Variants in REEP1 observed in about 807,000 individuals in gnomAD.
The protein encoded by REEP1 is receptor accessory protein 1, also known as receptor expression-enhancing protein 1.
A neutral mutation model predicts 40.3 loss-of-function variants in REEP1; 22 were observed. The observed-to-expected ratio is 0.55, with a 90% CI of 0.39 to 0.78. The LOEUF is 0.78. REEP1 is among the 30% of genes least tolerant of loss of function. The pLI is 0.00. For missense variants in REEP1, 280 were observed against 361.1 expected, an observed-to-expected ratio of 0.78 and a Z score of 1.82; for synonymous variants, 116 against 139.2, an observed-to-expected ratio of 0.83 and a Z score of 1.17.
intron 1 of REEP1, among the ~76,000 whole-genome samples, chr2:86,334,599 A>C (rs1054926174): frequency 6.6e-6 from 1 of 152,202 alleles, no homozygotes; most frequent in African/African-American, 2.4e-5. Flanking sequence ...GGACTAGATC[A>C]GTTGTTTTTA....
At chr2:86,307,751 G>GA (rs1476156240) in intron 1 of REEP1, among the ~76,000 whole-genome samples, 2 of 150,968 alleles carry the variant, frequency 1.3e-5, no homozygotes, top group Non-Finnish European at 3.0e-5. Context: ...GACAAGAAAA[G>GA]AAAAAAATGC....
chr2:86,247,759 C>T (rs187155171), intron 5 of REEP1, among the ~76,000 whole-genome samples: 5 of 151,992 alleles, frequency 3.3e-5, no homozygotes, highest in South Asian at 2.1e-4. Flanking sequence ...TTAGGAGAGA[C>T]GGGGTTTCAT....
intron 1 of REEP1, among the ~76,000 whole-genome samples, chr2:86,289,734 A>G (rs1283966693): frequency 6.6e-6 from 1 of 152,134 alleles, no homozygotes; most frequent in African/African-American, 2.4e-5. Context: ...AAATTTCTCC[A>G]TAAAGATCTT....
chr2:86,306,669 T>A (rs1402600567), intron 1 of REEP1, among the ~76,000 whole-genome samples: 1 of 152,190 alleles, frequency 6.6e-6, no homozygotes, highest in East Asian at 1.9e-4. Context: ...ATCTACAAAT[T>A]GGTGTTTGGT....
chr2:86,234,124 C>T (rs886920102), intron 5 of REEP1, among the ~76,000 whole-genome samples: 7 of 151,584 alleles, frequency 4.6e-5, no homozygotes, highest in African/African-American at 9.7e-5. Flanking sequence ...CACAGCAATT[C>T]GCTGAAGTGA....
At chr2:86,256,347 C>CAAAA (rs35885517) in intron 3 of REEP1, among the ~76,000 whole-genome samples, 2 of 100,308 alleles carry the variant, frequency 2.0e-5, no homozygotes, top group Non-Finnish European at 4.0e-5. Flanking sequence ...GATTCCATCT[C>CAAAA]AAAAAAAAAA....
chr2:86,321,567 C>A (rs534984687), intron 1 of REEP1, among the ~76,000 whole-genome samples: 1 of 152,078 alleles, frequency 6.6e-6, no homozygotes, highest in Non-Finnish European at 1.5e-5. Context: ...ATTAGCAAAT[C>A]GCCTCCAGGA....
chr2:86,290,631 A>C (rs1678644391), intron 1 of REEP1, among the ~76,000 whole-genome samples: 1 of 152,162 alleles, frequency 6.6e-6, no homozygotes, highest in Non-Finnish European at 1.5e-5. Context: ...ACCATAATCC[A>C]TCTCCAAGAC....
chr2:86,231,952 C>T (rs1246264471), intron 6 of REEP1, among the ~76,000 whole-genome samples: 4 of 152,168 alleles, frequency 2.6e-5, no homozygotes, highest in Admixed American at 1.3e-4. Flanking sequence ...GCATGTTTAA[C>T]GAGGTCCCCA....
At chr2:86,318,323 C>T (rs547412415) in intron 1 of REEP1, among the ~76,000 whole-genome samples, 58 of 151,430 alleles carry the variant, frequency 3.8e-4, no homozygotes, top group Non-Finnish European at 7.2e-4. Context: ...AAAAGACTTA[C>T]AAAAATGTAC....
chr2:86,270,058 T>C (rs1019613355), intron 2 of REEP1, among the ~76,000 whole-genome samples: 4 of 152,220 alleles, frequency 2.6e-5, no homozygotes, highest in African/African-American at 7.2e-5. Context: ...GATATACAGA[T>C]ATACAGCAAC....
intron 6 of REEP1, among the ~76,000 whole-genome samples, chr2:86,231,985 C>T (rs1255861647): frequency 1.3e-5 from 2 of 152,172 alleles, no homozygotes; most frequent in African/African-American, 4.8e-5. Flanking sequence ...TACCAGCAAT[C>T]CCACGATGGG....
At chr2:86,320,342 G>A (rs1275680931) in intron 1 of REEP1, among the ~76,000 whole-genome samples, 2 of 152,118 alleles carry the variant, frequency 1.3e-5, no homozygotes, top group South Asian at 2.1e-4. Context: ...TCCAATATTG[G>A]TAGTGTCCCT....
Position 86,215,244 on chromosome 2 carries a change from T to A in REEP1, c.*1795A>T, listed in dbSNP as rs1263596304. On this transcript the variant is annotated 3_prime_UTR_variant, in exon 9 of 9. Transcript: ENST00000538924. ...TCTGTTTATCCTCTCAGCCACAAATTCGCTTTTAGGTATATTTTCCTATAC... is the reference window on the plus strand; with the variant it reads ...TCTGTTTATCCTCTCAGCCACAAATACGCTTTTAGGTATATTTTCCTATAC... The A allele has an allele frequency of 1.3e-5, 2 of 152,150 alleles. No homozygotes were observed. Among genetic ancestry groups the A allele is most frequent in the African/African-American group, 4.8e-5 (2 of 41,442 alleles). 9.4% of individuals were successfully genotyped at this position (152,150 alleles called of 1,614,324 possible). A position where few individuals can be genotyped will look rare whatever the true frequency, so the allele number is the denominator to read the frequency against.
intron 5 of REEP1, among the ~76,000 whole-genome samples, chr2:86,233,695 G>A (rs1452555875): frequency 5.3e-5 from 8 of 152,098 alleles, no homozygotes; most frequent in African/African-American, 1.9e-4. Flanking sequence ...GAGGAGACTG[G>A]GGAAATTGAG....
intron 6 of REEP1, among the ~76,000 whole-genome samples, chr2:86,229,598 C>CT (rs70956106): frequency 0.18 from 20,419 of 112,172 alleles, 3,338 homozygotes; most frequent in East Asian, 0.41. Context: ...ACCTGTCTTC[C>CT]TTTTTTTTTT....
chr2:86,337,647 C>T (rs1190004624), upstream of REEP1: 7 of 1,048,660 alleles, frequency 6.7e-6, no homozygotes, highest in Middle Eastern at 4.4e-4. This position sits in a 1 kb window ranked among gnomAD's most constrained non-coding sequence, Gnocchi z 5.8. Context: ...GCCGCCCTGC[C>T]CGGCGTTCGC....
intron 1 of REEP1, among the ~76,000 whole-genome samples, chr2:86,284,535 G>C (rs1324357604): frequency 6.6e-6 from 1 of 152,244 alleles, no homozygotes; most frequent in Non-Finnish European, 1.5e-5. Flanking sequence ...GTGGACGCCA[G>C]ACAGCACCAG....
intron 1 of REEP1, among the ~76,000 whole-genome samples, chr2:86,334,230 G>A (rs1558942880): frequency 6.6e-6 from 1 of 152,204 alleles, no homozygotes; most frequent in Non-Finnish European, 1.5e-5. Flanking sequence ...TGTCCCTGGA[G>A]GCCATCAGCT....
Sources: allele counts gnomAD v4.1 joint callset (sites outside exome capture counted in the v4.1 genomes callset), GRCh38; gene constraint gnomAD v4.1.1; non-coding constraint Gnocchi (gnomAD v3.1); transcripts MANE v1.5; gene names NCBI Gene and HGNC (gene_info 2026-07-23, HGNC 2026-07-21).